The following SGCD variants were observed in gnomAD, a reference collection of about 807,000 sequenced individuals.
SGCD encodes the protein sarcoglycan delta.
A neutral mutation model predicts 36.6 loss-of-function variants in SGCD; 18 were observed. That is an observed-to-expected ratio of 0.49 (90% CI 0.34 to 0.73). The LOEUF is 0.73. SGCD is among the 30% of genes least tolerant of loss of function. The probability of loss-of-function intolerance (pLI) is 0.01; values close to 1 mark genes in which losing one functional copy is unlikely to be tolerated. For synonymous variants in SGCD, 133 were observed against 130.6 expected, an observed-to-expected ratio of 1.02 and a Z score of -0.12; for missense variants, 387 against 346.7, an observed-to-expected ratio of 1.12 and a Z score of -0.92.
chr5:155,989,192 T>C (rs1351206254), intron 1 of SGCD, among the ~76,000 whole-genome samples: 1 of 152,180 alleles, frequency 6.6e-6, no homozygotes, highest in East Asian at 1.9e-4. Flanking sequence ...ATCTTTTCTA[T>C]AGAGAATGAG....
intron 7 of SGCD, among the ~76,000 whole-genome samples, chr5:156,738,144 T>G (rs1246038424): frequency 1.3e-5 from 2 of 152,228 alleles, no homozygotes; most frequent in Admixed American, 6.5e-5. Context: ...TTGGGAAGAC[T>G]TGAAAAATCA....
intron 3 of SGCD, among the ~76,000 whole-genome samples, chr5:156,251,144 G>T (rs1252470183): frequency 1.3e-5 from 2 of 152,124 alleles, no homozygotes; most frequent in Non-Finnish European, 2.9e-5. Context: ...TTTTAAAAAA[G>T]CAACCAAATA....
intron 3 of SGCD, among the ~76,000 whole-genome samples, chr5:156,234,612 G>A (rs1200370376): frequency 6.6e-6 from 1 of 152,160 alleles, no homozygotes; most frequent in Admixed American, 6.5e-5. Flanking sequence ...TGGCACTAGG[G>A]TCTGAGAATC....
At chr5:156,691,772 T>C (rs996471804) in intron 7 of SGCD, among the ~76,000 whole-genome samples, 1 of 152,240 alleles carries the variant, frequency 6.6e-6, no homozygotes, top group Non-Finnish European at 1.5e-5. Flanking sequence ...TGGAATATTA[T>C]GGACCCCAGC....
At chr5:156,382,103 C>G (rs1166719962) in intron 3 of SGCD, among the ~76,000 whole-genome samples, 1 of 151,996 alleles carries the variant, frequency 6.6e-6, no homozygotes, top group Non-Finnish European at 1.5e-5. Flanking sequence ...ATGTTAAATT[C>G]CATAAGTAAT....
chr5:156,443,660 G>C (rs1478633560), intron 3 of SGCD, among the ~76,000 whole-genome samples: 1 of 152,098 alleles, frequency 6.6e-6, no homozygotes, highest in Non-Finnish European at 1.5e-5. Context: ...GGAGCACTAG[G>C]GATCTCTTCT....
intron 1 of SGCD, among the ~76,000 whole-genome samples, chr5:155,936,487 G>A (rs961746390): frequency 6.6e-6 from 1 of 152,186 alleles, no homozygotes; most frequent in Admixed American, 6.5e-5. Flanking sequence ...GCTCTCAGCA[G>A]AGAGGAGACC....
the SGCD span, among the ~76,000 whole-genome samples, chr5:155,846,426 G>A: frequency 1.3e-5 from 2 of 152,144 alleles, no homozygotes; most frequent in South Asian, 4.1e-4. Context: ...TCCTCACTCT[G>A]AGTTATATGT....
At chr5:156,458,971 A>T (rs527558910) in intron 3 of SGCD, among the ~76,000 whole-genome samples, 1 of 152,338 alleles carries the variant, frequency 6.6e-6, no homozygotes, top group African/African-American at 2.4e-5. Flanking sequence ...ATTTAACCTG[A>T]ATCATGAATA....
At chr5:155,807,590 TC>T in the SGCD span, among the ~76,000 whole-genome samples, 1 of 152,232 alleles carries the variant, frequency 6.6e-6, no homozygotes, top group Non-Finnish European at 1.5e-5. Context: ...AGTCCATAAA[TC>T]CCATAAAACA....
chr5:156,582,713 C>T (rs1467433515), intron 4 of SGCD, among the ~76,000 whole-genome samples: 1 of 152,222 alleles, frequency 6.6e-6, no homozygotes, highest in African/African-American at 2.4e-5. Flanking sequence ...ATGTCTCCTT[C>T]TGATTTCCTT....
intron 3 of SGCD, among the ~76,000 whole-genome samples, chr5:156,131,607 A>G (rs1172261037): frequency 1.3e-5 from 2 of 152,222 alleles, no homozygotes; most frequent in African/African-American, 4.8e-5. Context: ...GGCTGAAAGC[A>G]AAATGCTGTT....
At chr5:156,636,783 T>C (rs1762839870) in intron 6 of SGCD, among the ~76,000 whole-genome samples, 1 of 152,200 alleles carries the variant, frequency 6.6e-6, no homozygotes, top group Admixed American at 6.6e-5. Flanking sequence ...AAAGTGATTT[T>C]TAAATTTTGG....
intron 4 of SGCD, among the ~76,000 whole-genome samples, chr5:156,582,894 G>T (rs79727779): frequency 0.02 from 3,071 of 152,218 alleles, 124 homozygotes; most frequent in East Asian, 0.17. Flanking sequence ...AAGCTTCTTT[G>T]AATTCTTTGT....
In SGCD at chr5:155,901,013, T is replaced by C. The variant is rs1212378326; in HGVS notation, c.-282+30589T>C. Among the ~76,000 whole-genome samples, 3 of 152,210 alleles carry C rather than the reference T, an allele frequency of 2.0e-5. No homozygotes were observed. In the East Asian group the frequency reaches 5.8e-4, roughly 29 times the overall value. ...ATGTGTCTCATATTTCAAAAGTTGA[T>C]GTAAGATTTAAAAAATAGGCCAGTC... On this transcript the variant is annotated intron_variant, in intron 1 of 9. Coordinates refer to the SGCD transcript ENST00000517913.
chr5:156,048,423 G>A (rs1759827953), intron 1 of SGCD, among the ~76,000 whole-genome samples: 1 of 152,130 alleles, frequency 6.6e-6, no homozygotes, highest in Non-Finnish European at 1.5e-5. Flanking sequence ...GGTTGAACTA[G>A]TTTACAGTCC....
intron 3 of SGCD, among the ~76,000 whole-genome samples, chr5:156,312,954 T>C (rs145254535): frequency 0.016 from 2,439 of 152,218 alleles, 31 homozygotes; most frequent in Middle Eastern, 0.031. Flanking sequence ...GCTTAATTTG[T>C]TTACAAAGCC....
intron 4 of SGCD, among the ~76,000 whole-genome samples, chr5:156,583,797 A>G (rs934624952): frequency 5.3e-5 from 8 of 152,242 alleles, no homozygotes; most frequent in Non-Finnish European, 8.8e-5. Context: ...GTCAGACTCA[A>G]ATATATTTGG....
intron 1 of SGCD, among the ~76,000 whole-genome samples, chr5:155,989,492 C>T (rs191470584): frequency 6.6e-6 from 1 of 152,188 alleles, no homozygotes; most frequent in African/African-American, 2.4e-5. Context: ...TCATTTTCAT[C>T]TAGTCTATCA....
Sources: gnomAD v4.1 joint callset for allele counts (sites outside exome capture counted in the v4.1 genomes callset) on GRCh38, gnomAD v4.1.1 for gene constraint, MANE v1.5 for transcripts, NCBI Gene and HGNC (gene_info 2026-07-23, HGNC 2026-07-21) for gene names.